Variants in USB1 observed in about 807,000 individuals in gnomAD.
The protein encoded by USB1 is U6 snRNA biogenesis phosphodiesterase 1, also known as U6 snRNA phosphodiesterase 1.
USB1 carries 21 observed loss-of-function variants against 29.9 expected under a neutral mutation model. The observed-to-expected ratio is 0.70, with a 90% confidence interval of 0.50 to 1.01. The LOEUF (loss-of-function observed/expected upper bound fraction) is 1.01. Ranked by LOEUF, USB1 falls within the 50% of genes least tolerant of loss-of-function variation. The probability of loss-of-function intolerance (pLI) is 0.00; values close to 1 mark genes in which losing one functional copy is unlikely to be tolerated. For synonymous variants in USB1, 143 were observed against 134.9 expected, an observed-to-expected ratio of 1.06 and a Z score of -0.42; for missense variants, 330 against 347.1, an observed-to-expected ratio of 0.95 and a Z score of 0.39.
intron 2 of USB1, among the ~76,000 whole-genome samples, chr16:58,003,190 G>T (rs146614607): frequency 6.6e-6 from 1 of 152,164 alleles, no homozygotes; most frequent in Admixed American, 6.5e-5. Flanking sequence ...TTTGGGAAGC[G>T]GAGGCAGGCA....
upstream of USB1, chr16:58,001,309 A>C: frequency 1.4e-6 from 1 of 740,092 alleles, no homozygotes; most frequent in Admixed American, 2.3e-5. Flanking sequence ...GACAGCTTGG[A>C]GTCGGTGGGC....
chr16:58,014,192 TG>T, intron 3 of USB1, 80 bp from the exon 4 acceptor site: 1 of 1,121,410 alleles, frequency 8.9e-7, no homozygotes. Flanking sequence ...ATTTTCAAAG[TG>T]CTGTTTTTTT....
At chr16:58,018,116 C>G (rs1490876146) in intron 5 of USB1, among the ~76,000 whole-genome samples, 1 of 152,038 alleles carries the variant, frequency 6.6e-6, no homozygotes, top group Non-Finnish European at 1.5e-5. Context: ...TTAGCTCAGG[C>G]TGTCATAACA....
chr16:58,012,563 G>C, intron 3 of USB1: 1 of 1,396,554 alleles, frequency 7.2e-7, no homozygotes, highest in South Asian at 1.6e-5. Context: ...TGGTGTACCA[G>C]CCTGGAAAGA....
intron 3 of USB1, chr16:58,012,447 A>T: frequency 4.2e-6 from 5 of 1,195,688 alleles, no homozygotes; most frequent in Non-Finnish European, 6.0e-6. Context: ...GGGTGACAAG[A>T]TATCAGATGG....
intron 3 of USB1, chr16:58,011,432 T>C (rs1375783731): frequency 2.8e-5 from 30 of 1,088,866 alleles, no homozygotes; most frequent in Non-Finnish European, 3.1e-5. Flanking sequence ...CATAACTCTT[T>C]TCCTACCAGA....
intron 5 of USB1, 81 bp from the exon 6 acceptor site, chr16:58,018,891 C>A (rs1420224680): frequency 2.1e-5 from 29 of 1,411,674 alleles, no homozygotes; most frequent in Non-Finnish European, 2.5e-5. Flanking sequence ...GATGTCACGA[C>A]AGCTCTGTCA....
chr16:58,001,340 G>T, upstream of USB1: 1 of 925,902 alleles, frequency 1.1e-6, no homozygotes, highest in African/African-American at 1.6e-5. Flanking sequence ...CCACTGTCCT[G>T]CCGGGTTCCG....
Position 58,020,209 on chromosome 16 carries a change from G to A in USB1, c.762G>A (p.Lys254=). 1 of 1,614,210 alleles carries A rather than the reference G, an allele frequency of 6.2e-7. No homozygotes were observed. The highest frequency in any genetic ancestry group is 8.5e-7 in the Non-Finnish European group (1 of 1,180,034). The change falls in exon 7 of 7, where the codon AAG becomes AAA. Residue 254 remains lysine (K), a synonymous_variant. Transcript: ENST00000219281. ...LRVHTEQVRC[K]SGNKFFSMPL... Reference sequence around the variant, plus strand: ...TGCACACTGAGCAAGTCCGCTGCAAGTCTGGGAACAAGTTCTTCTCGATGC... The same window carrying A: ...TGCACACTGAGCAAGTCCGCTGCAAATCTGGGAACAAGTTCTTCTCGATGC...
chr16:58,011,483 T>C, intron 3 of USB1: 1 of 1,019,110 alleles, frequency 9.8e-7, no homozygotes, highest in Middle Eastern at 4.9e-4. Flanking sequence ...AAAACCCTGC[T>C]CTTTCACTGA....
intron 2 of USB1, among the ~76,000 whole-genome samples, chr16:58,007,616 C>T (rs966540983): frequency 7.2e-5 from 11 of 152,152 alleles, no homozygotes; most frequent in Non-Finnish European, 1.0e-4. Context: ...TCCTGACCTC[C>T]GGTGAACCAC....
intron 2 of USB1, among the ~76,000 whole-genome samples, chr16:58,007,067 A>G (rs1367191316): frequency 6.6e-6 from 1 of 152,220 alleles, no homozygotes; most frequent in Non-Finnish European, 1.5e-5. Context: ...GATAAATCCC[A>G]TTTAGTTGTG....
At chr16:58,014,540 T>C (rs972882577) in intron 4 of USB1, among the ~76,000 whole-genome samples, 1 of 152,210 alleles carries the variant, frequency 6.6e-6, no homozygotes, top group Non-Finnish European at 1.5e-5. Flanking sequence ...TCCAGCACTT[T>C]GGGAGGCTGA....
intron 6 of USB1, 85 bp downstream of exon 6, chr16:58,019,140 C>A: frequency 7.4e-7 from 1 of 1,359,966 alleles, no homozygotes; most frequent in Non-Finnish European, 1.0e-6. Flanking sequence ...ATGAGGCACC[C>A]AAACCTGAAT....
rs1369177361 is a variant in USB1 at position 58,008,948 on chromosome 16, A to AT, written c.266-977dup. 5.9e-5 allele frequency among the ~76,000 whole-genome samples: 9 copies of AT among 152,118 alleles called. No individual in the cohort carries two copies. In the East Asian group the frequency reaches 1.7e-3, roughly 29 times the overall value. ...TTTTTTAATCTCCAAGTATTTGGGG[A>AT]TTTTCCAGCTACATTTCTGTTACAG... On this transcript the variant is annotated intron_variant, in intron 2 of 6. Coordinates refer to ENST00000219281, the MANE Select transcript of USB1 (RefSeq NM_024598.4).
In USB1 at chr16:58,013,742, C is replaced by T; in HGVS notation, c.450-531C>T. On this transcript the variant is annotated intron_variant, in intron 3 of 6. Transcript: ENST00000219281. The surrounding 1 kb of genome is among the most constrained non-coding windows in gnomAD (Gnocchi z 4.3). ...CCTGGCTCACCAAATTCAGCTTCAC[C>T]ATGCCTCTGTTTCTTTGTCTGTAAA... 2.1e-6 allele frequency: 1 copy of T among 465,188 alleles called. No homozygotes were observed. Among genetic ancestry groups the T allele is most frequent in the African/African-American group, 2.1e-5 (1 of 47,238 alleles). The allele number at this position is 465,188 out of a possible 1,614,324, so 28.8% of individuals were successfully genotyped here.
At chr16:58,010,952 G>T (rs1003956694) in intron 3 of USB1, 5 of 699,766 alleles carry the variant, frequency 7.1e-6, no homozygotes, top group Middle Eastern at 3.6e-4. Flanking sequence ...CTCCCATACC[G>T]GGAGGGTAGG....
chr16:58,013,141 C>T lies in USB1; in HGVS notation c.450-1132C>T. The T allele has an allele frequency of 1.0e-6, 1 of 985,522 alleles. No homozygotes were observed. The highest frequency in any genetic ancestry group is 1.2e-6 in the Non-Finnish European group (1 of 830,022). The allele number at this position is 985,522 out of a possible 1,614,324, so 61.0% of individuals were successfully genotyped here. On this transcript the variant is annotated intron_variant, in intron 3 of 6. Transcript: ENST00000219281. This position sits in a 1 kb window ranked among gnomAD's most constrained non-coding sequence, Gnocchi z 4.3. ...TTCTGTTGCTGTGACTGAGGAAATG[C>T]TAAGCTCTGTTTGGCCAGGCCTGGG...
chr16:58,000,760 G>A (rs1009942400), upstream of USB1, among the ~76,000 whole-genome samples: 6 of 151,610 alleles, frequency 4.0e-5, no homozygotes, highest in South Asian at 2.1e-4. The surrounding 1 kb of genome is among the most constrained non-coding windows in gnomAD (Gnocchi z 4.5). Context: ...GGAGGAGCGG[G>A]CGGCGCGGAG....
Sources: gnomAD v4.1 joint callset for allele counts (sites outside exome capture counted in the v4.1 genomes callset) on GRCh38, gnomAD v4.1.1 for gene constraint, Gnocchi (gnomAD v3.1) non-coding constraint, MANE v1.5 for transcripts, NCBI Gene and HGNC (gene_info 2026-07-23, HGNC 2026-07-21) for gene names.